HTATIP2: variants seen among roughly 807,000 people sequenced by gnomAD.
HTATIP2 encodes protein HTATIP2.
In HTATIP2, 26 loss-of-function variants were observed where a neutral mutation model predicts 24.7. The observed-to-expected ratio is 1.05, with a 90% CI of 0.77 to 1.46. The LOEUF (loss-of-function observed/expected upper bound fraction) is 1.46. HTATIP2 is among the 40% of genes most tolerant of loss of function. HTATIP2 has a pLI of 0.00. For missense variants in HTATIP2, 284 were observed against 289.6 expected (o/e 0.98, Z 0.14); for synonymous variants, 99 against 113.2 (o/e 0.87, Z 0.79).
intron 4 of HTATIP2, 24 bp downstream of exon 4, chr11:20,382,263 T>C (rs761583869): frequency 7.5e-7 from 1 of 1,334,756 alleles, no homozygotes; most frequent in Non-Finnish European, 1.1e-6. Context: ...TTATACTGAA[T>C]GAGAGTATGC....
chr11:20,372,268 C>T (rs74621780), intron 2 of HTATIP2, among the ~76,000 whole-genome samples: 2,964 of 152,274 alleles, frequency 0.019, 92 homozygotes, highest in African/African-American at 0.068. Flanking sequence ...GTCGTTTAGA[C>T]GTGCTAACTT....
intron 2 of HTATIP2, among the ~76,000 whole-genome samples, chr11:20,371,876 C>A (rs796693560): frequency 5.3e-5 from 8 of 152,294 alleles, no homozygotes; most frequent in African/African-American, 1.9e-4. Context: ...TAACCAAGAT[C>A]TTTCCCCTAC....
Position 20,363,840 on chromosome 11 carries a change from C to T in HTATIP2, c.-398C>T. On this transcript the variant is annotated 5_prime_UTR_variant, in exon 1 of 5. Transcript: ENST00000451739. ...GCCGGGCCTGCGGCGCTGAGCGCGG[C>T]GGCGGCGGCTGCTCTGGCGGCCGCC... is the stretch of plus-strand genomic sequence containing the variant. 1 of 1,244,928 alleles carries T rather than the reference C, an allele frequency of 8.0e-7. No individual in the cohort carries two copies. Among genetic ancestry groups the T allele is most frequent in the South Asian group, 4.0e-5 (1 of 25,048 alleles). The allele number at this position is 1,244,928 out of a possible 1,614,324, so 77.1% of individuals were successfully genotyped here.
chr11:20,371,745 C>A (rs2064774648), intron 2 of HTATIP2, among the ~76,000 whole-genome samples: 1 of 152,162 alleles, frequency 6.6e-6, no homozygotes, highest in South Asian at 2.1e-4. Context: ...CTGAAAAATT[C>A]TTTGACTCTA....
At chr11:20,381,488 A>G (rs766851879) in intron 3 of HTATIP2, among the ~76,000 whole-genome samples, 4 of 152,040 alleles carry the variant, frequency 2.6e-5, no homozygotes, top group Non-Finnish European at 5.9e-5. Context: ...AAAAATTTTT[A>G]AAAAGAAAAA....
chr11:20,375,571 T>C (rs1180937475), intron 2 of HTATIP2, among the ~76,000 whole-genome samples: 1 of 152,094 alleles, frequency 6.6e-6, no homozygotes, highest in African/African-American at 2.4e-5. Context: ...ACTGTCTCAA[T>C]CAATCAATCA....
At position 20,364,414 on chromosome 11, in the gene HTATIP2, G is replaced by A. The variant is rs2064672828; in HGVS notation, c.177G>A (p.Glu59=). Reference sequence around the variant, plus strand: ...GCCGGAGGAAGCTCACCTTCGACGAGGAAGCTTATAAAAATGTGGTGGGTA... The same window carrying A: ...GCCGGAGGAAGCTCACCTTCGACGAAGAAGCTTATAAAAATGTGGTGGGTA... ...LIGRRKLTFD[E]EAYKNVNQEV... Residue 59 remains glutamate (E), a synonymous_variant, in exon 1 of 5, where the codon GAG becomes GAA. Coordinates refer to ENST00000451739, the MANE Select transcript of HTATIP2 (RefSeq NM_001098522.2). The A allele has an allele frequency of 4.4e-6, 7 of 1,607,676 alleles. No homozygotes were observed. Among genetic ancestry groups the A allele is most frequent in the Non-Finnish European group, 6.0e-6 (7 of 1,176,044 alleles).
chr11:20,366,641 G>A (rs938039337), intron 1 of HTATIP2, among the ~76,000 whole-genome samples: 2 of 152,012 alleles, frequency 1.3e-5, no homozygotes, highest in African/African-American at 4.8e-5. Flanking sequence ...GTAGGAATAT[G>A]CCTTTTTATT....
At chr11:20,376,924 G>C (rs965229302) in intron 3 of HTATIP2, among the ~76,000 whole-genome samples, 1 of 152,092 alleles carries the variant, frequency 6.6e-6, no homozygotes, top group African/African-American at 2.4e-5. Flanking sequence ...TAATTATCCA[G>C]CAACAAATGG....
chr11:20,377,375 G>A (rs970510940), intron 3 of HTATIP2, among the ~76,000 whole-genome samples: 8 of 152,088 alleles, frequency 5.3e-5, no homozygotes, highest in Non-Finnish European at 7.4e-5. Flanking sequence ...GAGCCACTGC[G>A]TCTGGCCTCA....
chr11:20,367,266 A>G lies in HTATIP2; in HGVS notation c.288A>G (p.Arg96=). ...GATTCTGTTGCCTGGGTACCACCAGAGGGAAAGCTGGGGCGGTAAGGAAGG... is the reference window on the plus strand; with the variant it reads ...GATTCTGTTGCCTGGGTACCACCAGGGGGAAAGCTGGGGCGGTAAGGAAGG... ...DVGFCCLGTT[R]GKAGAEGFVR... The change falls in exon 2 of 5, where the codon AGA becomes AGG. Residue 96 remains arginine (R), a synonymous_variant. Transcript: ENST00000451739. 6.2e-7 allele frequency: 1 copy of G among 1,614,116 alleles called. No homozygotes were observed. Among genetic ancestry groups the G allele is most frequent in the South Asian group, 1.1e-5 (1 of 91,004 alleles).
At position 20,364,029 on chromosome 11, in the gene HTATIP2, CG is replaced by C; in HGVS notation, c.-206del. On this transcript the variant is annotated 5_prime_UTR_variant, in exon 1 of 5. It introduces an in-frame stop codon into an upstream open reading frame of the 5' UTR. Coordinates refer to ENST00000451739, the MANE Select transcript of HTATIP2 (RefSeq NM_001098522.2). The stretch of plus-strand genomic sequence containing the variant: ...TGGCACCTGGGCGCACCCTCCAGCT[CG>C]GGCCCCTTCCGATGGGTCTGCTGGC... The C allele has an allele frequency of 7.7e-7, 1 of 1,305,910 alleles. No homozygotes were observed. The highest frequency in any genetic ancestry group is 9.7e-7 in the Non-Finnish European group (1 of 1,027,584). 80.9% of individuals were successfully genotyped at this position (1,305,910 alleles called of 1,614,324 possible). A position where few individuals can be genotyped will look rare whatever the true frequency, so the allele number is the denominator to read the frequency against.
Position 20,364,208 on chromosome 11 carries a change from A to G in HTATIP2, c.-30A>G. ...ACTGGCAGTCCCCTGACACCCTAAG[A>G]CCGGCATCTGTCGATGTTATTTCCC... is the stretch of plus-strand genomic sequence containing the variant. On this transcript the variant is annotated 5_prime_UTR_variant, in exon 1 of 5. Transcript: ENST00000451739. 1 of 1,572,848 alleles carries G rather than the reference A, an allele frequency of 6.4e-7. No individual in the cohort carries two copies. Among genetic ancestry groups the G allele is most frequent in the Middle Eastern group, 1.8e-4 (1 of 5,622 alleles).
chr11:20,368,010 A>T (rs1482147800), intron 2 of HTATIP2, among the ~76,000 whole-genome samples: 2 of 152,174 alleles, frequency 1.3e-5, no homozygotes, highest in African/African-American at 4.8e-5. Flanking sequence ...GGCAGAATTT[A>T]CATGCTGGAG....
chr11:20,369,150 G>C (rs2064744587), intron 2 of HTATIP2, among the ~76,000 whole-genome samples: 1 of 152,164 alleles, frequency 6.6e-6, no homozygotes, highest in Non-Finnish European at 1.5e-5. Context: ...AGAGGTGACA[G>C]TTCATATGTG....
chr11:20,372,812 C>T (rs1410952506), intron 2 of HTATIP2, among the ~76,000 whole-genome samples: 2 of 152,114 alleles, frequency 1.3e-5, no homozygotes, highest in African/African-American at 4.8e-5. Flanking sequence ...CGAGATCGCT[C>T]CTTTCATCTG....
intron 1 of HTATIP2, among the ~76,000 whole-genome samples, 164 bp from the exon 2 acceptor site, chr11:20,367,010 T>C (rs1006409741): frequency 6.6e-6 from 1 of 152,238 alleles, no homozygotes. Flanking sequence ...GATTTTCAAC[T>C]GAGGTTCATT....
At chr11:20,381,157 G>T (rs538952278) in intron 3 of HTATIP2, among the ~76,000 whole-genome samples, 8 of 152,076 alleles carry the variant, frequency 5.3e-5, no homozygotes, top group Non-Finnish European at 1.2e-4. Flanking sequence ...AAAAAAGAAT[G>T]GCCAAGCGCG....
chr11:20,379,596 G>A (rs1444246433), intron 3 of HTATIP2, among the ~76,000 whole-genome samples: 1 of 152,182 alleles, frequency 6.6e-6, no homozygotes, highest in African/African-American at 2.4e-5. Context: ...AGCTCTGGGG[G>A]CTTGGATCAA....
Sources: gnomAD v4.1 joint callset for allele counts (sites outside exome capture counted in the v4.1 genomes callset) on GRCh38, gnomAD v4.1.1 for gene constraint, MANE v1.5 for transcripts, NCBI Gene and HGNC (gene_info 2026-07-23, HGNC 2026-07-21) for gene names.